Variants in TCF12 observed in about 807,000 individuals in gnomAD.
The protein encoded by TCF12 is transcription factor 12.
TCF12 carries 45 observed loss-of-function variants against 86.0 expected under a neutral mutation model. The ratio of observed to expected loss-of-function variants is 0.52; its 90% CI spans 0.41 to 0.67. The LOEUF (loss-of-function observed/expected upper bound fraction) is 0.67, where lower values mean the gene tolerates loss of function less well. Ranked by LOEUF, TCF12 falls within the 30% of genes least tolerant of loss-of-function variation. The probability of loss-of-function intolerance (pLI) is 0.00; values close to 1 mark genes in which losing one functional copy is unlikely to be tolerated. For missense variants in TCF12, 881 were observed against 859.9 expected (o/e 1.02, Z -0.31); for synonymous variants, 330 against 299.6 (o/e 1.10, Z -1.05).
At chr15:57,096,046 G>A (rs564163357) in intron 5 of TCF12, among the ~76,000 whole-genome samples, 5 of 152,250 alleles carry the variant, frequency 3.3e-5, no homozygotes, top group African/African-American at 1.2e-4. Context: ...AGGCCACACT[G>A]TTTAGGTGTT....
intron 3 of TCF12, among the ~76,000 whole-genome samples, chr15:57,002,512 A>G (rs1596056834): frequency 6.6e-6 from 1 of 152,194 alleles, no homozygotes. Context: ...ACATCTACCT[A>G]TGTTGATTGA....
chr15:56,994,558 C>G (rs1281067872), intron 3 of TCF12, among the ~76,000 whole-genome samples: 1 of 151,770 alleles, frequency 6.6e-6, no homozygotes, highest in African/African-American at 2.4e-5. Context: ...AAGAAAAAAA[C>G]TATTGAAAGC....
At chr15:57,178,836 G>A (rs1310300033) in intron 6 of TCF12, among the ~76,000 whole-genome samples, 1 of 152,262 alleles carries the variant, frequency 6.6e-6, no homozygotes, top group East Asian at 1.9e-4. Context: ...TTTTATGGAA[G>A]CCTATACATT....
chr15:57,009,087 T>C (rs1382212208), intron 3 of TCF12, among the ~76,000 whole-genome samples: 1 of 152,158 alleles, frequency 6.6e-6, no homozygotes. Context: ...TTTCAATACT[T>C]AACTATGAAA....
intron 18 of TCF12, among the ~76,000 whole-genome samples, chr15:57,272,279 A>T (rs1220517719): frequency 6.6e-6 from 1 of 152,198 alleles, no homozygotes; most frequent in Non-Finnish European, 1.5e-5. Flanking sequence ...CTTAGGATGA[A>T]TTTCCAAAGT....
At chr15:57,176,571 G>A (rs2055927622) in intron 6 of TCF12, among the ~76,000 whole-genome samples, 1 of 152,134 alleles carries the variant, frequency 6.6e-6, no homozygotes. Flanking sequence ...TGTTGCGTCT[G>A]TTATTATTAT....
intron 4 of TCF12, among the ~76,000 whole-genome samples, chr15:57,069,366 A>G (rs1233472179): frequency 6.6e-6 from 1 of 152,150 alleles, no homozygotes; most frequent in African/African-American, 2.4e-5. Flanking sequence ...AAAAGAAGCA[A>G]TATTAAGTTG....
intron 13 of TCF12, among the ~76,000 whole-genome samples, chr15:57,244,480 G>A (rs190201414): frequency 6.6e-6 from 1 of 152,252 alleles, no homozygotes; most frequent in African/African-American, 2.4e-5. Context: ...TTTTGTTTGA[G>A]ATGGAGTCTC....
intron 3 of TCF12, among the ~76,000 whole-genome samples, chr15:57,002,331 C>A (rs756861610): frequency 6.6e-6 from 1 of 152,120 alleles, no homozygotes; most frequent in East Asian, 1.9e-4. Context: ...TAACCAAATA[C>A]GCTTTACAAA....
At chr15:57,214,254 T>C (rs1340979764) in intron 8 of TCF12, 2 of 152,218 alleles carry the variant, frequency 1.3e-5, no homozygotes, top group Admixed American at 1.3e-4. Flanking sequence ...TCAGTAATTA[T>C]ATAGTTCTGT....
At chr15:57,196,037 T>C (rs2057247045) in intron 7 of TCF12, among the ~76,000 whole-genome samples, 1 of 152,058 alleles carries the variant, frequency 6.6e-6, no homozygotes, top group South Asian at 2.1e-4. Flanking sequence ...CATGTTTTAT[T>C]GTATAGTGTC....
chr15:56,955,058 C>G lies in TCF12; in HGVS notation c.148+33960C>G, dbSNP rs529772585. 2.0e-4 allele frequency among the ~76,000 whole-genome samples: 30 copies of G among 152,202 alleles called. No individual in the cohort carries two copies. In the South Asian group the frequency reaches 2.5e-3, roughly 13 times the overall value. ...CAGCCATCCCATTACTGGGTATATACCCAAAGGATTATAAGTCACACTACT... is the reference window on the plus strand; with the variant it reads ...CAGCCATCCCATTACTGGGTATATAGCCAAAGGATTATAAGTCACACTACT... On this transcript the variant is annotated intron_variant, in intron 3 of 20. Coordinates refer to ENST00000333725, the MANE Select transcript of TCF12 (RefSeq NM_207037.2).
chr15:57,232,064 T>C (rs1012685621), intron 9 of TCF12, among the ~76,000 whole-genome samples: 1 of 152,218 alleles, frequency 6.6e-6, no homozygotes, highest in Non-Finnish European at 1.5e-5. Context: ...ATTTTTATAA[T>C]GGCCTGCCTA....
intron 8 of TCF12, among the ~76,000 whole-genome samples, chr15:57,211,126 G>C (rs1295619230): frequency 6.6e-6 from 1 of 152,198 alleles, no homozygotes; most frequent in Non-Finnish European, 1.5e-5. Flanking sequence ...TATCTGACTT[G>C]TAGATTAACT....
intron 4 of TCF12, among the ~76,000 whole-genome samples, chr15:57,082,233 C>T (rs1396670012): frequency 6.6e-6 from 1 of 152,168 alleles, no homozygotes; most frequent in Non-Finnish European, 1.5e-5. Flanking sequence ...TAATCATGAA[C>T]TGTGTATTAT....
At chr15:57,251,126 T>A (rs1669017407) in intron 13 of TCF12, 1 of 432,422 alleles carries the variant, frequency 2.3e-6, no homozygotes, top group African/African-American at 2.0e-5. Context: ...TATTTAAAAT[T>A]ACAGGGTTTT....
chr15:56,988,297 A>G (rs541046191), intron 3 of TCF12, among the ~76,000 whole-genome samples: 2 of 152,302 alleles, frequency 1.3e-5, no homozygotes, highest in African/African-American at 4.8e-5. Context: ...CCTACTATAC[A>G]CTAGACTATG....
In TCF12 at chr15:57,192,220, A is replaced by G; in HGVS notation, c.453A>G (p.Lys151=). ...CAGCACAGCTATCTTCTTCAGGAAA[A>G]CCTGGGACAGCATACTATTCATTCT... ...GSPAQLSSSG[K]PGTAYYSFSA... Residue 151 remains lysine, a synonymous_variant, in exon 7 of 21, where the codon AAA becomes AAG. Coordinates refer to ENST00000333725, the MANE Select transcript of TCF12 (RefSeq NM_207037.2). 6.2e-7 allele frequency: 1 copy of G among 1,614,042 alleles called. No individual in the cohort carries two copies.
intron 3 of TCF12, among the ~76,000 whole-genome samples, chr15:57,029,483 A>G (rs1250561854): frequency 1.3e-5 from 2 of 152,082 alleles, no homozygotes; most frequent in African/African-American, 4.8e-5. Context: ...TACATCGATT[A>G]TTTGTTTTAT....
Sources: gnomAD v4.1 joint callset for allele counts (sites outside exome capture counted in the v4.1 genomes callset) on GRCh38, gnomAD v4.1.1 for gene constraint, MANE v1.5 for transcripts, NCBI Gene and HGNC (gene_info 2026-07-23, HGNC 2026-07-21) for gene names.